MGAT4C: variants seen among roughly 807,000 people sequenced by gnomAD.
MGAT4C encodes the protein MGAT4 family member C, also known as alpha-1,3-mannosyl-glycoprotein 4-beta-N-acetylglucosaminyltransferase C.
A neutral mutation model predicts 40.1 loss-of-function variants in MGAT4C; 19 were observed. The ratio of observed to expected loss-of-function variants is 0.47; its 90% CI spans 0.33 to 0.70. The LOEUF (loss-of-function observed/expected upper bound fraction) is 0.70, where lower values mean the gene tolerates loss of function less well. Ranked by LOEUF, MGAT4C falls within the 30% of genes least tolerant of loss-of-function variation. The pLI is 0.02. For synonymous variants in MGAT4C, 181 were observed against 187.1 expected, an observed-to-expected ratio of 0.97 and a Z score of 0.27; for missense variants, 491 against 563.2, an observed-to-expected ratio of 0.87 and a Z score of 1.30.
chr12:86,838,860 A>G (rs1953093492), upstream of MGAT4C: 1 of 152,240 alleles, frequency 6.6e-6, no homozygotes, highest in Non-Finnish European at 1.5e-5. Flanking sequence ...TCTGTTCCCC[A>G]GGGATGGCAA....
intron 1 of MGAT4C, among the ~76,000 whole-genome samples, chr12:86,178,182 C>T (rs565085510): frequency 4.6e-5 from 7 of 152,234 alleles, no homozygotes; most frequent in South Asian, 2.1e-4. Context: ...GTGATCCGCC[C>T]GCCTTGGCCT....
chr12:86,058,534 C>T (rs184765531), intron 1 of MGAT4C, among the ~76,000 whole-genome samples: 77 of 152,158 alleles, frequency 5.1e-4, no homozygotes, highest in African/African-American at 1.7e-3. Flanking sequence ...TTATTGTCAT[C>T]GACTCATACA....
intron 2 of MGAT4C, among the ~76,000 whole-genome samples, chr12:86,586,107 C>A (rs545599111): frequency 8.6e-6 from 1 of 115,776 alleles, no homozygotes; most frequent in Admixed American, 1.0e-4. Context: ...CCCCTCCCCC[C>A]ACCCCACAAC....
At chr12:86,489,901 A>C (rs1001062967) in intron 2 of MGAT4C, among the ~76,000 whole-genome samples, 5 of 152,158 alleles carry the variant, frequency 3.3e-5, no homozygotes, top group Non-Finnish European at 5.9e-5. Flanking sequence ...TGAACAAAGC[A>C]TCCAAGAAAT....
intron 3 of MGAT4C, among the ~76,000 whole-genome samples, chr12:86,374,343 T>G (rs1955784054): frequency 1.3e-5 from 2 of 152,148 alleles, no homozygotes; most frequent in South Asian, 4.1e-4. Flanking sequence ...ACTTTGTGAC[T>G]GTACCCAATG....
At chr12:86,491,703 A>C (rs1424002217) in intron 2 of MGAT4C, among the ~76,000 whole-genome samples, 1 of 151,222 alleles carries the variant, frequency 6.6e-6, no homozygotes, top group Non-Finnish European at 1.5e-5. Flanking sequence ...TGAATGGGCA[A>C]AAACTGGAAG....
In MGAT4C at chr12:86,214,135, A is replaced by G. The variant is rs561228220; in HGVS notation, c.-57+42104T>C. Among the ~76,000 whole-genome samples the G allele has an allele frequency of 2.6e-5, 4 of 152,298 alleles. No individual in the cohort carries two copies. The East Asian group carries it at 7.7e-4, about 29-fold the overall frequency. On this transcript the variant is annotated intron_variant, in intron 1 of 4. Coordinates refer to ENST00000611864, the MANE Select transcript of MGAT4C (RefSeq NM_001351288.2). ...ACTACACTTCCAATTACACTCTGCAATCCAAATGCTGTAAATTGAATTTCT... is the reference window on the plus strand; with the variant it reads ...ACTACACTTCCAATTACACTCTGCAGTCCAAATGCTGTAAATTGAATTTCT...
rs574934329 is a variant in MGAT4C at position 86,510,818 on chromosome 12, C to T, written c.-228-75553G>A. On this transcript the variant is annotated intron_variant, in intron 2 of 7. Coordinates refer to the MGAT4C transcript ENST00000548651. ...AGCCTAAATATATATGCACCCAATACAGGAGCACCCAGATTCATAAAGCAA... is the reference window on the plus strand; with the variant it reads ...AGCCTAAATATATATGCACCCAATATAGGAGCACCCAGATTCATAAAGCAA... 3.3e-3 allele frequency among the ~76,000 whole-genome samples: 496 copies of T among 152,256 alleles called. 1 individual carries two copies. Among genetic ancestry groups the T allele is most frequent in the African/African-American group, 0.012 (479 of 41,542 alleles).
chr12:86,348,765 C>T (rs753485082), intron 3 of MGAT4C, among the ~76,000 whole-genome samples: 2 of 151,974 alleles, frequency 1.3e-5, no homozygotes, highest in African/African-American at 2.4e-5. Flanking sequence ...CTCAATCATT[C>T]GTGATGTTTG....
At chr12:86,032,623 C>T (rs1452336286) in intron 2 of MGAT4C, among the ~76,000 whole-genome samples, 1 of 149,228 alleles carries the variant, frequency 6.7e-6, no homozygotes, top group Non-Finnish European at 1.5e-5. Context: ...TTGTTTTTTG[C>T]TTATTAATTT....
intron 1 of MGAT4C, among the ~76,000 whole-genome samples, chr12:86,780,820 C>A (rs1484824092): frequency 1.3e-5 from 2 of 152,132 alleles, no homozygotes; most frequent in Admixed American, 1.3e-4. Context: ...ACTCTCCTAC[C>A]CTTCTGAGTC....
chr12:86,278,001 A>G (rs770122688), intron 4 of MGAT4C, among the ~76,000 whole-genome samples: 2 of 152,108 alleles, frequency 1.3e-5, no homozygotes, highest in Non-Finnish European at 2.9e-5. Context: ...GGACATTTTA[A>G]CAATATTCTT....
intron 3 of MGAT4C, among the ~76,000 whole-genome samples, chr12:86,380,968 T>C (rs185039352): frequency 1.3e-5 from 2 of 152,324 alleles, no homozygotes; most frequent in African/African-American, 2.4e-5. Context: ...AAACACTTCA[T>C]AGGCCAATTT....
chr12:86,773,942 C>CTTTTTT (rs1565980916), intron 1 of MGAT4C, among the ~76,000 whole-genome samples: 1 of 106,520 alleles, frequency 9.4e-6, no homozygotes. Flanking sequence ...TTTAAAGTAA[C>CTTTTTT]TTCTTTTTTT....
Position 86,772,496 on chromosome 12 carries a change from C to T in MGAT4C, c.-261-45255G>A, listed in dbSNP as rs151067455. Among the ~76,000 whole-genome samples the T allele has an allele frequency of 5.0e-3, 759 of 152,216 alleles. 8 individuals carry two copies. The highest frequency in any genetic ancestry group is 0.017 in the African/African-American group (718 of 41,536). On this transcript the variant is annotated intron_variant, in intron 1 of 7. Transcript: ENST00000548651. ...CATTTCTGCCACTACAACAGGCCCG[C>T]GAGTAGGTTTGTCTCCTCCTTGGTT...
chr12:86,104,298 G>A (rs1396868873), intron 1 of MGAT4C, among the ~76,000 whole-genome samples: 3 of 151,770 alleles, frequency 2.0e-5, no homozygotes, highest in Non-Finnish European at 1.5e-5. Flanking sequence ...AAGTTAGGCG[G>A]GCATGGTGAC....
upstream of MGAT4C, among the ~76,000 whole-genome samples, chr12:86,261,071 T>C (rs1251316381): frequency 6.6e-6 from 1 of 152,084 alleles, no homozygotes; most frequent in Non-Finnish European, 1.5e-5. Flanking sequence ...GAGCACATGA[T>C]AAAGTAAAAC....
At chr12:86,283,655 T>G (rs530254381) in intron 4 of MGAT4C, among the ~76,000 whole-genome samples, 2 of 152,136 alleles carry the variant, frequency 1.3e-5, no homozygotes, top group Admixed American at 6.6e-5. Flanking sequence ...GGTGATATAC[T>G]GTTTGTTGAT....
chr12:86,153,099 A>G (rs867726499), intron 1 of MGAT4C, among the ~76,000 whole-genome samples: 12 of 152,330 alleles, frequency 7.9e-5, no homozygotes, highest in Middle Eastern at 3.4e-3. Flanking sequence ...ATGACTGTAG[A>G]TGTGGTGGAG....
Sources: gnomAD v4.1 joint callset for allele counts (sites outside exome capture counted in the v4.1 genomes callset) on GRCh38, gnomAD v4.1.1 for gene constraint, MANE v1.5 for transcripts, NCBI Gene and HGNC (gene_info 2026-07-23, HGNC 2026-07-21) for gene names.